Variants in BRPF1 observed in about 807,000 individuals in gnomAD.
BRPF1 encodes bromodomain and PHD finger containing 1, also known as peregrin.
In BRPF1, 15 loss-of-function variants were observed where a neutral mutation model predicts 115.0. The observed-to-expected ratio is 0.13, with a 90% CI of 0.09 to 0.20. BRPF1 has a LOEUF of 0.20. Among genes scored for constraint, BRPF1 ranks in the 10% least tolerant of loss-of-function variants. The probability of loss-of-function intolerance (pLI) is 1.00; values close to 1 mark genes in which losing one functional copy is unlikely to be tolerated. For synonymous variants in BRPF1, 647 were observed against 619.8 expected (o/e 1.04, Z -0.65); for missense variants, 1,118 against 1,638.3 (o/e 0.68, Z 5.48).
intron 2 of BRPF1, among the ~76,000 whole-genome samples, chr3:9,736,693 T>A (rs1345039273): frequency 6.6e-6 from 1 of 152,266 alleles, no homozygotes; most frequent in Non-Finnish European, 1.5e-5. Context: ...GCAGGTACAC[T>A]GCAAACAACT....
chr3:9,740,668 G>A (rs2077013568), intron 3 of BRPF1, 111 bp from the exon 4 acceptor site: 2 of 1,367,036 alleles, frequency 1.5e-6, no homozygotes. Flanking sequence ...TTTTGGACAA[G>A]AGATCCTCTC....
chr3:9,738,977 G>T, intron 2 of BRPF1, 22 bp from the exon 3 acceptor site: 1 of 1,526,974 alleles, frequency 6.5e-7, no homozygotes, highest in Non-Finnish European at 8.8e-7. Flanking sequence ...ATGTGATGCT[G>T]AGTTCCCTGT....
Position 9,744,440 on chromosome 3 carries a change from G to C in BRPF1, c.2852G>C (p.Gly951Ala). 6.2e-7 allele frequency: 1 copy of C among 1,604,620 alleles called. No individual in the cohort carries two copies. The highest frequency in any genetic ancestry group is 8.5e-7 in the Non-Finnish European group (1 of 1,175,576). Residue 951 changes from glycine to alanine, a missense_variant, in exon 9 of 14, where the codon GGT (glycine) becomes GCT (alanine). Coordinates refer to ENST00000383829, the MANE Select transcript of BRPF1 (RefSeq NM_001003694.2). ...AGTTCCCTGCGTCAGCGCAAGCGGG[G>C]TAGGAGCCCCCGGCCCAGTTCGAGC... ...IMSSLRQRKR[G>A]RSPRPSSSSD...
Position 9,734,183 on chromosome 3 carries a change from C to A in BRPF1, c.43C>A (p.Arg15=). The change falls in exon 2 of 14, where the codon CGG becomes AGG. Residue 15 remains arginine (R), a synonymous_variant. Coordinates refer to ENST00000383829, the MANE Select transcript of BRPF1 (RefSeq NM_001003694.2). The surrounding 1 kb of genome is among the most constrained non-coding windows in gnomAD (Gnocchi z 5.7). ...FDVKTFCHNL[R]ATKPPYECPV... ...TGTGAAGACTTTCTGCCACAACTTGCGGGCGACTAAGCCACCATACGAGTG... is the reference window on the plus strand; with the variant it reads ...TGTGAAGACTTTCTGCCACAACTTGAGGGCGACTAAGCCACCATACGAGTG... The A allele has an allele frequency of 6.2e-7, 1 of 1,612,242 alleles. No individual in the cohort carries two copies.
Position 9,732,093 on chromosome 3 carries a change from G to C in BRPF1, c.-56G>C, listed in dbSNP as rs2076861600. ...GCCGACCTCCCCAAGTGGGGTCGGA[G>C]CCCCGGCGGGCGCCCCCGGCGATGA... On this transcript the variant is annotated 5_prime_UTR_variant, in exon 1 of 14. Coordinates refer to ENST00000383829, the MANE Select transcript of BRPF1 (RefSeq NM_001003694.2). 6.6e-6 allele frequency: 1 copy of C among 152,414 alleles called. No homozygotes were observed. Among genetic ancestry groups the C allele is most frequent in the Admixed American group, 6.5e-5 (1 of 15,296 alleles). 9.4% of individuals were successfully genotyped at this position (152,414 alleles called of 1,614,324 possible). A position where few individuals can be genotyped will look rare whatever the true frequency, so the allele number is the denominator to read the frequency against.
Position 9,747,203 on chromosome 3 carries a change from G to A in BRPF1, c.3517G>A (p.Val1173Met). Residue 1173 changes from valine to methionine, a missense_variant, in exon 14 of 14, where the codon GTG becomes ATG. Physicochemically the swap from Val to Met is conservative, Grantham distance 21 (BLOSUM62 1). Around this residue, in one of 10 missense-constraint regions of BRPF1, gnomAD observed 76 missense variants for 166.1 expected, o/e 0.46. Transcript: ENST00000383829. This position sits in a 1 kb window ranked among gnomAD's most constrained non-coding sequence, Gnocchi z 5.6. ...LPRTKLVPLG[V>M]NQDLDKEKML... ...CAGGACCAAGCTGGTTCCTCTGGGTGTGAACCAGGACCTAGACAAGGAGAA... is the reference window on the plus strand; with the variant it reads ...CAGGACCAAGCTGGTTCCTCTGGGTATGAACCAGGACCTAGACAAGGAGAA... 1.9e-6 allele frequency: 3 copies of A among 1,614,180 alleles called. No homozygotes were observed. The highest frequency in any genetic ancestry group is 2.5e-6 in the Non-Finnish European group (3 of 1,180,052).
chr3:9,744,342 CA>C lies in BRPF1; in HGVS notation c.2759del (p.Asn920ThrfsTer6). 1.2e-6 allele frequency: 2 copies of C among 1,613,396 alleles called. No individual in the cohort carries two copies. The highest frequency in any genetic ancestry group is 1.7e-6 in the Non-Finnish European group (2 of 1,179,678). On this transcript the variant is annotated frameshift_variant, in exon 9 of 14. Transcript: ENST00000383829. LOFTEE classifies it high-confidence loss of function. ...GPPKRPGRPP[K>X]NRESQMTPSH... ...CGCCCAAGAGGCCGGGCCGGCCCCC[CA>C]AAAACCGGGAGAGCCAGATGACCCC...
In BRPF1 at chr3:9,743,283, A is replaced by C. The variant is rs1228484732; in HGVS notation, c.2311+30A>C. 2 of 1,589,350 alleles carry C rather than the reference A, an allele frequency of 1.3e-6. No homozygotes were observed. Among genetic ancestry groups the C allele is most frequent in the Non-Finnish European group, 1.7e-6 (2 of 1,165,270 alleles). ...GTGATATATCACACACACATATAAGAGGCCAATGCCGGGGATGGACAGCTT... is the reference window on the plus strand; with the variant it reads ...GTGATATATCACACACACATATAAGCGGCCAATGCCGGGGATGGACAGCTT... On this transcript the variant is annotated intron_variant, in intron 7 of 13. Transcript: ENST00000383829. This position sits in a 1 kb window ranked among gnomAD's most constrained non-coding sequence, Gnocchi z 6.1.
chr3:9,746,133 G>A (rs1300382785), intron 12 of BRPF1, among the ~76,000 whole-genome samples, 167 bp from the exon 13 acceptor site: 1 of 152,122 alleles, frequency 6.6e-6, no homozygotes, highest in Non-Finnish European at 1.5e-5. Context: ...TTGCTCCTTG[G>A]GCTCTGAAAT....
chr3:9,736,004 A>ATTTT (rs34061910), intron 2 of BRPF1, among the ~76,000 whole-genome samples: 56 of 89,270 alleles, frequency 6.3e-4, no homozygotes, highest in Middle Eastern at 6.3e-3. Context: ...TTAAACCTCC[A>ATTTT]TTTTTTTTTT....
chr3:9,739,591 A>G lies in BRPF1; in HGVS notation c.1192A>G (p.Ile398Val). The part of the protein sequence containing the change: ...ICKQRGSGAC[I>V]QCHKANCYTA... The stretch of plus-strand genomic sequence containing the variant: ...CAAACAACGGGGCTCAGGGGCCTGC[A>G]TCCAGTGCCACAAGGCCAACTGTTA... Residue 398 changes from isoleucine to valine, a missense_variant, in exon 3 of 14, where the codon ATC becomes GTC. By Grantham distance (29) the Ile-to-Val change is conservative. This residue lies in a region of BRPF1 where 64 missense variants were observed against 172.8 expected (regional missense o/e 0.37). Coordinates refer to ENST00000383829, the MANE Select transcript of BRPF1 (RefSeq NM_001003694.2). 1 of 1,611,602 alleles carries G rather than the reference A, an allele frequency of 6.2e-7. No individual in the cohort carries two copies. Among genetic ancestry groups the G allele is most frequent in the Non-Finnish European group, 8.5e-7 (1 of 1,177,932 alleles).
chr3:9,743,512 G>A lies in BRPF1; in HGVS notation c.2312-66G>A. ...GGGATGAGTGGGTTTCTTGCTGCCT[G>A]CCCAGGTTCAAGGGGCCCTGAGGGC... is the stretch of plus-strand genomic sequence containing the variant. On this transcript the variant is annotated intron_variant, in intron 7 of 13. Transcript: ENST00000383829. The surrounding 1 kb of genome is among the most constrained non-coding windows in gnomAD (Gnocchi z 6.1). 1 of 1,525,956 alleles carries A rather than the reference G, an allele frequency of 6.6e-7. No individual in the cohort carries two copies. Among genetic ancestry groups the A allele is most frequent in the Non-Finnish European group, 8.9e-7 (1 of 1,126,486 alleles). 94.5% of individuals were successfully genotyped at this position (1,525,956 alleles called of 1,614,324 possible). A position where few individuals can be genotyped will look rare whatever the true frequency, so the allele number is the denominator to read the frequency against.
Position 9,743,787 on chromosome 3 carries a change from G to A in BRPF1, c.2521G>A (p.Glu841Lys), listed in dbSNP as rs2077073614. The A allele has an allele frequency of 1.9e-6, 3 of 1,613,906 alleles. No individual in the cohort carries two copies. Among genetic ancestry groups the A allele is most frequent in the South Asian group, 2.2e-5 (2 of 91,086 alleles). The change falls in exon 8 of 14, where the codon GAG becomes AAG. Residue 841 changes from glutamate to lysine, a missense_variant. Glu to Lys is a moderately conservative substitution (Grantham distance 56). Coordinates refer to ENST00000383829, the MANE Select transcript of BRPF1 (RefSeq NM_001003694.2). The surrounding 1 kb of genome is among the most constrained non-coding windows in gnomAD (Gnocchi z 6.1). ...HQRETGRDGP[E>K]RHGPSSRGSL... ...GCGAGAGACGGGACGTGATGGCCCTGAGCGGCATGGCCCCTCGAGCCGGGG... is the reference window on the plus strand; with the variant it reads ...GCGAGAGACGGGACGTGATGGCCCTAAGCGGCATGGCCCCTCGAGCCGGGG...
intron 8 of BRPF1, 114 bp downstream of exon 8, chr3:9,744,015 C>CT: frequency 7.4e-7 from 1 of 1,349,730 alleles, no homozygotes; most frequent in South Asian, 1.5e-5. Context: ...GCTAGCTGTA[C>CT]TTTCTCCCTC....
rs774823024 is a variant in BRPF1 at position 9,745,939 on chromosome 3, G to C, written c.3324+9G>C. The stretch of plus-strand genomic sequence containing the variant: ...CATCATACCCAGCTCTGGTATGCTT[G>C]CTTCTGTTACACTTCTTGCTTTCCA... On this transcript the variant is annotated intron_variant, in intron 12 of 13. Coordinates refer to ENST00000383829, the MANE Select transcript of BRPF1 (RefSeq NM_001003694.2). The surrounding 1 kb of genome is among the most constrained non-coding windows in gnomAD (Gnocchi z 5.1). 2 of 1,604,490 alleles carry C rather than the reference G, an allele frequency of 1.2e-6. No homozygotes were observed. The highest frequency in any genetic ancestry group is 2.2e-5 in the South Asian group (2 of 89,886).
chr3:9,741,040 CT>C, intron 4 of BRPF1, 99 bp downstream of exon 4: 2 of 1,312,210 alleles, frequency 1.5e-6, no homozygotes, highest in East Asian at 5.1e-5. Flanking sequence ...GGCTTAGACT[CT>C]TTCCTCCTTT....
chr3:9,745,191 A>G lies in BRPF1; in HGVS notation c.3068+36A>G, dbSNP rs571913304. 6.2e-7 allele frequency: 1 copy of G among 1,604,668 alleles called. No individual in the cohort carries two copies. The highest frequency in any genetic ancestry group is 1.1e-5 in the South Asian group (1 of 90,064). On this transcript the variant is annotated intron_variant, in intron 10 of 13. Transcript: ENST00000383829. This position sits in a 1 kb window ranked among gnomAD's most constrained non-coding sequence, Gnocchi z 5.1. ...TCCAGATCGAGGCCAACCTCAGGGG[A>G]TGCCCTTCCAGGGCTCTTGGGCCTG...
rs1265085068 is a variant in BRPF1 at position 9,747,572 on chromosome 3, A to C, written c.*223A>C. On this transcript the variant is annotated 3_prime_UTR_variant, in exon 14 of 14. Transcript: ENST00000383829. The surrounding 1 kb of genome is among the most constrained non-coding windows in gnomAD (Gnocchi z 5.6). ...TTCAGCGCAAGGAGAGGGAGGGCCCACAGGTCAGAAAAAGCTCCAGAGACC... is the reference window on the plus strand; with the variant it reads ...TTCAGCGCAAGGAGAGGGAGGGCCCCCAGGTCAGAAAAAGCTCCAGAGACC... 1.2e-5 allele frequency: 6 copies of C among 483,546 alleles called. No homozygotes were observed. The highest frequency in any genetic ancestry group is 1.1e-4 in the African/African-American group (6 of 52,708). The allele number at this position is 483,546 out of a possible 1,614,324, so 30.0% of individuals were successfully genotyped here. A position where few individuals can be genotyped will look rare whatever the true frequency, so the allele number is the denominator to read the frequency against.
Position 9,734,350 on chromosome 3 carries a change from A to G in BRPF1, c.210A>G (p.Pro70=), listed in dbSNP as rs771292061. The G allele has an allele frequency of 1.8e-5, 29 of 1,614,018 alleles. No individual in the cohort carries two copies. The highest frequency in any genetic ancestry group is 8.5e-6 in the Non-Finnish European group (10 of 1,180,028). Residue 70 remains proline (P), a synonymous_variant, in exon 2 of 14, where the codon CCA becomes CCG. Coordinates refer to ENST00000383829, the MANE Select transcript of BRPF1 (RefSeq NM_001003694.2). This position sits in a 1 kb window ranked among gnomAD's most constrained non-coding sequence, Gnocchi z 5.7. ...AGAAAAAGGGGCGCCAGTCACGCCC[A>G]GCCAACAAGCAGTCACCCAGCCCCT... ...KHKKKGRQSR[P]ANKQSPSPSE...
Sources: allele counts gnomAD v4.1 joint callset (sites outside exome capture counted in the v4.1 genomes callset), GRCh38; gene constraint gnomAD v4.1.1; regional missense constraint gnomAD v4.1.1; non-coding constraint Gnocchi (gnomAD v3.1); transcripts MANE v1.5; gene names NCBI Gene and HGNC (gene_info 2026-07-23, HGNC 2026-07-21).